CAMKMT: variants seen among roughly 807,000 people sequenced by gnomAD.
CAMKMT encodes the protein calmodulin-lysine N-methyltransferase.
CAMKMT carries 53 observed loss-of-function variants against 48.0 expected under a neutral mutation model. The ratio of observed to expected loss-of-function variants is 1.10; its 90% CI spans 0.89 to 1.39. The LOEUF (loss-of-function observed/expected upper bound fraction) is 1.39, where lower values mean the gene tolerates loss of function less well. Among genes scored for constraint, CAMKMT ranks in the 40% most tolerant of loss-of-function variants. The pLI, the probability that CAMKMT is intolerant of heterozygous loss-of-function variation, is 0.00. For missense variants in CAMKMT, 428 were observed against 402.7 expected, an observed-to-expected ratio of 1.06 and a Z score of -0.54; for synonymous variants, 165 against 152.3, an observed-to-expected ratio of 1.08 and a Z score of -0.61.
chr2:44,364,654 A>T (rs1037327005), intron 1 of CAMKMT, among the ~76,000 whole-genome samples: 2 of 152,216 alleles, frequency 1.3e-5, no homozygotes, highest in African/African-American at 4.8e-5. Flanking sequence ...AGTGTATTTT[A>T]TCAGTAAGCT....
intron 3 of CAMKMT, among the ~76,000 whole-genome samples, chr2:44,395,665 T>A (rs1053102117): frequency 5.9e-5 from 9 of 152,164 alleles, no homozygotes; most frequent in African/African-American, 1.7e-4. Context: ...TAGGAAACAA[T>A]AAGTACTTTA....
chr2:44,394,331 C>G, intron 3 of CAMKMT, among the ~76,000 whole-genome samples: 1 of 151,988 alleles, frequency 6.6e-6, no homozygotes, highest in Non-Finnish European at 1.5e-5. Context: ...GTTGGTGTCA[C>G]ATTATCTCCT....
intron 1 of CAMKMT, among the ~76,000 whole-genome samples, chr2:44,368,788 G>GT (rs1422939534): frequency 3.9e-5 from 6 of 152,034 alleles, no homozygotes; most frequent in Non-Finnish European, 7.4e-5. Context: ...TTAATACTTT[G>GT]TTTTTTCCTA....
intron 3 of CAMKMT, among the ~76,000 whole-genome samples, chr2:44,493,130 C>T (rs1015548493): frequency 1.3e-5 from 2 of 151,770 alleles, no homozygotes; most frequent in East Asian, 1.9e-4. Flanking sequence ...CTCCTGACCT[C>T]GTGATCCACC....
At chr2:44,621,717 G>T (rs1359005915) in intron 3 of CAMKMT, among the ~76,000 whole-genome samples, 1 of 152,180 alleles carries the variant, frequency 6.6e-6, no homozygotes, top group East Asian at 1.9e-4. Context: ...GCAGAGTAAC[G>T]TGTGTGGATT....
chr2:44,432,215 G>T (rs954066781), intron 3 of CAMKMT, among the ~76,000 whole-genome samples: 1 of 152,184 alleles, frequency 6.6e-6, no homozygotes, highest in Non-Finnish European at 1.5e-5. Flanking sequence ...GGAGAGAAAT[G>T]TTCCAGTGGT....
At chr2:44,704,437 GT>G in intron 4 of CAMKMT, 94 bp downstream of exon 4, 1 of 835,080 alleles carries the variant, frequency 1.2e-6, no homozygotes. Context: ...AAATTAAATT[GT>G]TAGAAAAAAA....
chr2:44,602,575 A>G (rs6742910), intron 3 of CAMKMT, among the ~76,000 whole-genome samples: 61,511 of 151,874 alleles, frequency 0.41, 14,582 homozygotes, highest in Middle Eastern at 0.55. Flanking sequence ...AAGAGATTTA[A>G]TTGACTCACA....
chr2:44,600,016 A>G (rs1022955013), intron 3 of CAMKMT, among the ~76,000 whole-genome samples: 13 of 152,110 alleles, frequency 8.5e-5, no homozygotes, highest in African/African-American at 2.7e-4. Flanking sequence ...AAACTTTCCA[A>G]TGTTCTCATT....
At chr2:44,698,519 T>C (rs1425807157) in intron 3 of CAMKMT, among the ~76,000 whole-genome samples, 2 of 152,240 alleles carry the variant, frequency 1.3e-5, no homozygotes, top group Non-Finnish European at 2.9e-5. Flanking sequence ...GTAGCTTAAG[T>C]GTGCAATAGC....
intron 3 of CAMKMT, among the ~76,000 whole-genome samples, chr2:44,538,060 C>A (rs12470423): frequency 6.6e-6 from 1 of 151,930 alleles, no homozygotes; most frequent in Non-Finnish European, 1.5e-5. Flanking sequence ...TAAGTGCCCA[C>A]CAATCAATGA....
chr2:44,524,773 G>A (rs1367675401), intron 3 of CAMKMT, among the ~76,000 whole-genome samples: 2 of 152,116 alleles, frequency 1.3e-5, no homozygotes, highest in Non-Finnish European at 2.9e-5. Context: ...GATGGGCAAA[G>A]GCCATGTCCT....
chr2:44,365,084 T>G (rs768813339), intron 1 of CAMKMT, among the ~76,000 whole-genome samples: 3 of 152,252 alleles, frequency 2.0e-5, no homozygotes, highest in Non-Finnish European at 4.4e-5. Context: ...GTATTTCAAA[T>G]GAATGAACCA....
intron 3 of CAMKMT, among the ~76,000 whole-genome samples, chr2:44,615,759 A>G (rs143736643): frequency 6.6e-6 from 1 of 152,240 alleles, no homozygotes; most frequent in East Asian, 1.9e-4. Flanking sequence ...GGATCTCCAG[A>G]ATGAGAATAA....
intron 3 of CAMKMT, among the ~76,000 whole-genome samples, chr2:44,391,034 G>T (rs1159889164): frequency 6.6e-6 from 1 of 152,100 alleles, no homozygotes; most frequent in Non-Finnish European, 1.5e-5. Flanking sequence ...ATAGTGAATT[G>T]TCAATGAAAT....
intron 3 of CAMKMT, among the ~76,000 whole-genome samples, chr2:44,637,576 G>T (rs1203213891): frequency 1.3e-5 from 2 of 151,634 alleles, no homozygotes; most frequent in African/African-American, 4.9e-5. Context: ...TTAAAAATAT[G>T]TATAATTTTA....
At chr2:44,636,465 A>T (rs1018837112) in intron 3 of CAMKMT, among the ~76,000 whole-genome samples, 1 of 152,198 alleles carries the variant, frequency 6.6e-6, no homozygotes, top group Admixed American at 6.5e-5. Flanking sequence ...TCTCTGTGCA[A>T]ACACTAAGGC....
At chr2:44,437,838 C>A (rs372674401) in intron 3 of CAMKMT, among the ~76,000 whole-genome samples, 915 of 120,148 alleles carry the variant, frequency 7.6e-3, no homozygotes, top group East Asian at 9.6e-3. Context: ...GACTCTGCTA[C>A]AAAAAAAAAA....
intron 3 of CAMKMT, among the ~76,000 whole-genome samples, chr2:44,598,264 T>C (rs1007009012): frequency 3.3e-5 from 5 of 152,232 alleles, no homozygotes; most frequent in South Asian, 2.1e-4. Flanking sequence ...TGCAAGTTCA[T>C]GGACCCCCTG....
Sources: allele counts gnomAD v4.1 joint callset (sites outside exome capture counted in the v4.1 genomes callset), GRCh38; gene constraint gnomAD v4.1.1; transcripts MANE v1.5; gene names NCBI Gene and HGNC (gene_info 2026-07-23, HGNC 2026-07-21).